The following ARL13B variants were observed in gnomAD, a reference collection of about 807,000 sequenced individuals.
ARL13B encodes the protein ARF like GTPase 13B.
In ARL13B, 36 loss-of-function variants were observed where a neutral mutation model predicts 56.1. The observed-to-expected ratio is 0.64, with a 90% CI of 0.49 to 0.85. ARL13B has a LOEUF of 0.85. Ranked by LOEUF, ARL13B falls within the 40% of genes least tolerant of loss-of-function variation. ARL13B has a pLI of 0.00. For synonymous variants in ARL13B, 178 were observed against 171.1 expected (o/e 1.04, Z -0.32); for missense variants, 519 against 507.1 (o/e 1.02, Z -0.23).
intron 3 of ARL13B, among the ~76,000 whole-genome samples, chr3:94,026,742 A>C (rs1023095412): frequency 2.0e-5 from 3 of 152,202 alleles, no homozygotes; most frequent in African/African-American, 7.2e-5. Context: ...TAAATTTATT[A>C]TGTTGGAAGA....
intron 5 of ARL13B, among the ~76,000 whole-genome samples, chr3:94,039,462 T>C (rs1443373761): frequency 2.3e-5 from 3 of 130,178 alleles, no homozygotes; most frequent in East Asian, 2.2e-4. Context: ...ATGGTGCCAA[T>C]GCACTCCAGC....
chr3:94,044,520 CT>C (rs2076941574), intron 7 of ARL13B, among the ~76,000 whole-genome samples: 1 of 139,764 alleles, frequency 7.2e-6, no homozygotes. Flanking sequence ...GTGAGGAGCG[CT>C]TCTGCCTGGC....
chr3:94,036,853 C>A, intron 5 of ARL13B, 99 bp downstream of exon 5: 2 of 1,359,728 alleles, frequency 1.5e-6, no homozygotes, highest in East Asian at 2.5e-5. Context: ...TTTCTTCTTT[C>A]TGTGTGAAGG....
Position 94,049,417 on chromosome 3 carries a change from A to G in ARL13B, c.1036A>G (p.Lys346Glu), listed in dbSNP as rs1576058610. The G allele has an allele frequency of 6.3e-7, 1 of 1,599,358 alleles. No homozygotes were observed. The change falls in exon 8 of 10, where the codon AAG (lysine) becomes GAG (glutamate). Residue 346 changes from lysine (K) to glutamate (E), a missense_variant. By Grantham distance (56) the Lys-to-Glu change is moderately conservative. Transcript: ENST00000394222. ...RPSLESANGK[K>E]KTKKLRMKRN... ...TTATATTCTTGTAGCTAATGGTAAAAAGAAAACTAAGAAACTAAGAATGAA... is the reference window on the plus strand; with the variant it reads ...TTATATTCTTGTAGCTAATGGTAAAGAGAAAACTAAGAAACTAAGAATGAA...
intron 2 of ARL13B, among the ~76,000 whole-genome samples, chr3:94,001,138 G>A (rs2076049492): frequency 6.6e-6 from 1 of 152,148 alleles, no homozygotes; most frequent in South Asian, 2.1e-4. Context: ...GGTGATAGTA[G>A]AAGTAGGAGG....
intron 3 of ARL13B, among the ~76,000 whole-genome samples, chr3:94,033,619 TAAGTA>T (rs1294970232): frequency 6.6e-6 from 1 of 152,190 alleles, no homozygotes; most frequent in Non-Finnish European, 1.5e-5. Flanking sequence ...ATAATAGAAT[TAAGTA>T]AAGGTCATCA....
intron 1 of ARL13B, among the ~76,000 whole-genome samples, chr3:93,992,190 A>T (rs1288471170): frequency 3.3e-5 from 5 of 152,264 alleles, no homozygotes; most frequent in East Asian, 3.9e-4. Flanking sequence ...TTGTTTTTTT[A>T]AAAAACTGAA....
chr3:94,002,729 A>G (rs999884136), intron 2 of ARL13B, among the ~76,000 whole-genome samples: 1 of 152,208 alleles, frequency 6.6e-6, no homozygotes, highest in Non-Finnish European at 1.5e-5. Context: ...TTAATAAAGC[A>G]CTATTTCAGT....
At chr3:94,050,914 T>C in intron 9 of ARL13B, 22 bp downstream of exon 9, 2 of 1,601,252 alleles carry the variant, frequency 1.2e-6, no homozygotes, top group Non-Finnish European at 1.7e-6. Flanking sequence ...GGATTGGTTT[T>C]CAGATATCAT....
intron 3 of ARL13B, among the ~76,000 whole-genome samples, chr3:94,016,656 T>A (rs138513169): frequency 1.3e-5 from 2 of 151,644 alleles, no homozygotes; most frequent in Non-Finnish European, 2.9e-5. Context: ...TTTCTTTTTT[T>A]TTTTTTTGGA....
At chr3:93,998,116 T>G (rs1282858928) in intron 2 of ARL13B, among the ~76,000 whole-genome samples, 1 of 152,240 alleles carries the variant, frequency 6.6e-6, no homozygotes, top group African/African-American at 2.4e-5. Context: ...TTTTTTTTAG[T>G]CATTTAAAAT....
chr3:93,986,653 C>G (rs1004831039), intron 1 of ARL13B, among the ~76,000 whole-genome samples: 3 of 152,078 alleles, frequency 2.0e-5, no homozygotes, highest in African/African-American at 7.2e-5. Flanking sequence ...CTTTGACTTG[C>G]ATAATATTTT....
chr3:93,980,596 A>T, intron 1 of ARL13B, 114 bp downstream of exon 1: 2 of 1,311,422 alleles, frequency 1.5e-6, no homozygotes, highest in Non-Finnish European at 2.1e-6. Flanking sequence ...GCCGCAAGGG[A>T]TGCTTTCATT....
rs978669534 is a variant in ARL13B, at chr3:94,054,136, T to A, written c.*873T>A. ...GATCAAGGTGCTCCCTATACTCCCTTGTTCCATCAGAAGCTGCAGTGACTC... is the reference window on the plus strand; with the variant it reads ...GATCAAGGTGCTCCCTATACTCCCTAGTTCCATCAGAAGCTGCAGTGACTC... On this transcript the variant is annotated 3_prime_UTR_variant, in exon 10 of 10. Transcript: ENST00000394222. The A allele has an allele frequency of 9.9e-5, 45 of 453,052 alleles. No individual in the cohort carries two copies. Among genetic ancestry groups the A allele is most frequent in the Admixed American group, 8.0e-4 (34 of 42,536 alleles). The allele number at this position is 453,052 out of a possible 1,614,324, so 28.1% of individuals were successfully genotyped here.
At chr3:94,052,400 G>A (rs1347372691) in intron 9 of ARL13B, among the ~76,000 whole-genome samples, 1 of 152,096 alleles carries the variant, frequency 6.6e-6, no homozygotes, top group Non-Finnish European at 1.5e-5. Flanking sequence ...ACTGTGCACA[G>A]TAGGAGTACT....
chr3:94,034,531 G>A (rs2076734441), intron 3 of ARL13B, among the ~76,000 whole-genome samples: 2 of 147,570 alleles, frequency 1.4e-5, no homozygotes, highest in Admixed American at 1.4e-4. Context: ...TTAATTCCCA[G>A]TGCTTTGCCA....
intron 9 of ARL13B, 75 bp downstream of exon 9, chr3:94,050,967 A>G (rs2077057417): frequency 1.4e-6 from 2 of 1,405,264 alleles, no homozygotes; most frequent in Non-Finnish European, 1.0e-6. Context: ...TATAATTTCA[A>G]CAAACTTATG....
chr3:94,021,235 C>G (rs376933260), intron 3 of ARL13B, among the ~76,000 whole-genome samples: 6 of 150,002 alleles, frequency 4.0e-5, no homozygotes, highest in Admixed American at 3.3e-4. Flanking sequence ...GCTCTGTTAC[C>G]CAGGCTGGAG....
In ARL13B at chr3:93,984,664, G is replaced by C. The variant is rs544813530; in HGVS notation, c.59+4182G>C. On this transcript the variant is annotated intron_variant, in intron 1 of 9. Transcript: ENST00000394222. Reference sequence around the variant, plus strand: ...AAGGATCAGTTGTATAATATTGCAAGTATTTTCTTTCCATTTGTTATATTT... The same window carrying C: ...AAGGATCAGTTGTATAATATTGCAACTATTTTCTTTCCATTTGTTATATTT... 5.3e-5 allele frequency among the ~76,000 whole-genome samples: 8 copies of C among 152,290 alleles called. No individual in the cohort carries two copies. In the South Asian group the frequency reaches 1.2e-3, roughly 24 times the overall value.
Sources: allele counts gnomAD v4.1 joint callset (sites outside exome capture counted in the v4.1 genomes callset), GRCh38; gene constraint gnomAD v4.1.1; transcripts MANE v1.5; gene names NCBI Gene and HGNC (gene_info 2026-07-23, HGNC 2026-07-21).